Variants in CMYA5 observed in about 807,000 individuals in gnomAD.
CMYA5 encodes the protein cardiomyopathy-associated protein 5.
CMYA5 carries 246 observed loss-of-function variants against 318.9 expected under a neutral mutation model. The ratio of observed to expected loss-of-function variants is 0.77; its 90% CI spans 0.70 to 0.86. CMYA5 has a LOEUF of 0.86. Ranked by LOEUF, CMYA5 falls within the 40% of genes least tolerant of loss-of-function variation. The pLI is 0.00. For synonymous variants in CMYA5, 1,641 were observed against 1,729.5 expected (o/e 0.95, Z 1.27); for missense variants, 4,589 against 4,678.2 (o/e 0.98, Z 0.56).
intron 11 of CMYA5, among the ~76,000 whole-genome samples, chr5:79,792,058 C>A (rs984075474): frequency 1.3e-5 from 2 of 152,232 alleles, no homozygotes; most frequent in African/African-American, 4.8e-5. Context: ...GTGACTTTCA[C>A]TATTTCCCTG....
chr5:79,760,507 T>G lies in CMYA5; in HGVS notation c.11261-1304T>G, dbSNP rs4703788. Among the ~76,000 whole-genome samples the G allele has an allele frequency of 2.0e-5, 3 of 152,118 alleles. No homozygotes were observed. In the South Asian group the frequency reaches 6.2e-4, roughly 31 times the overall value. On this transcript the variant is annotated intron_variant, in intron 7 of 12. Coordinates refer to ENST00000446378, the MANE Select transcript of CMYA5 (RefSeq NM_153610.5). ...ACAGGAAGCATGGCAGAGGAGGCCT[T>G]AGGAGACAGAATCATGGCAGAAGGT...
chr5:79,786,842 A>G (rs776027090), intron 9 of CMYA5, among the ~76,000 whole-genome samples: 1 of 152,180 alleles, frequency 6.6e-6, no homozygotes, highest in African/African-American at 2.4e-5. Flanking sequence ...GTATACAATA[A>G]AACACCACCA....
intron 12 of CMYA5, among the ~76,000 whole-genome samples, chr5:79,797,736 C>T (rs569480502): frequency 1.8e-4 from 28 of 152,292 alleles, no homozygotes; most frequent in African/African-American, 6.5e-4. Flanking sequence ...GAGCCTGGCC[C>T]CTGACTTACT....
Position 79,761,830 on chromosome 5 carries a change from A to G in CMYA5, c.11280A>G (p.Arg3760=). The G allele has an allele frequency of 6.2e-7, 1 of 1,613,618 alleles. No individual in the cohort carries two copies. Among genetic ancestry groups the G allele is most frequent in the East Asian group, 2.2e-5 (1 of 44,872 alleles). The stretch of plus-strand genomic sequence containing the variant: ...TGCTAGAGTTGGTAGAAGAATACAG[A>G]CTGACAGTGAAAGAAAGCTACTGCA... ...QEVNELVEEY[R]LTVKESYCIF... Residue 3760 remains arginine (R), a synonymous_variant, in exon 8 of 13, where the codon AGA becomes AGG. Coordinates refer to ENST00000446378, the MANE Select transcript of CMYA5 (RefSeq NM_153610.5).
Position 79,730,709 on chromosome 5 carries a change from A to G in CMYA5, c.1944A>G (p.Thr648=). Residue 648 remains threonine (T), a synonymous_variant, in exon 2 of 13, where the codon ACA becomes ACG. Coordinates refer to ENST00000446378, the MANE Select transcript of CMYA5 (RefSeq NM_153610.5). The part of the protein sequence containing the change: ...FEAYSPAAAP[T]SESSLSPSTT... ...CTTATTCCCCAGCTGCAGCCCCTAC[A>G]TCTGAGAGCTCTCTCTCACCATCCA... 4 of 1,613,920 alleles carry G rather than the reference A, an allele frequency of 2.5e-6. No individual in the cohort carries two copies. Among genetic ancestry groups the G allele is most frequent in the Non-Finnish European group, 1.7e-6 (2 of 1,179,854 alleles).
intron 1 of CMYA5, among the ~76,000 whole-genome samples, chr5:79,710,310 A>G (rs1246859106): frequency 6.6e-6 from 1 of 152,198 alleles, no homozygotes; most frequent in Admixed American, 6.5e-5. Context: ...GAATTAATAA[A>G]AATTTTAAAA....
chr5:79,700,496 A>G (rs1827153751), intron 1 of CMYA5, among the ~76,000 whole-genome samples: 1 of 152,248 alleles, frequency 6.6e-6, no homozygotes, highest in African/African-American at 2.4e-5. Flanking sequence ...CTGATGAATT[A>G]TTTCAACTCA....
chr5:79,699,062 G>T (rs539626159), intron 1 of CMYA5, among the ~76,000 whole-genome samples: 24 of 152,182 alleles, frequency 1.6e-4, no homozygotes, highest in Non-Finnish European at 3.2e-4. Context: ...GGAGGCTGGG[G>T]CAGGAGAATC....
intron 6 of CMYA5, among the ~76,000 whole-genome samples, chr5:79,756,170 C>T (rs938960866): frequency 9.6e-5 from 13 of 135,204 alleles, no homozygotes; most frequent in African/African-American, 3.4e-4. Flanking sequence ...CCATTTCCTG[C>T]TGGGAAGACA....
At chr5:79,740,155 A>G (rs1828183234) in intron 2 of CMYA5, among the ~76,000 whole-genome samples, 2 of 152,142 alleles carry the variant, frequency 1.3e-5, no homozygotes, top group Admixed American at 1.3e-4. Context: ...TGAAAATACT[A>G]TGCCATTTTA....
intron 9 of CMYA5, among the ~76,000 whole-genome samples, chr5:79,788,452 C>G (rs1462990139): frequency 6.9e-6 from 1 of 145,486 alleles, no homozygotes; most frequent in African/African-American, 2.6e-5. Context: ...AATTTAGGAA[C>G]AGCAACTTTG....
intron 9 of CMYA5, among the ~76,000 whole-genome samples, chr5:79,766,905 G>C (rs911524426): frequency 6.6e-6 from 1 of 152,120 alleles, no homozygotes; most frequent in Non-Finnish European, 1.5e-5. Flanking sequence ...TGTACCTCTG[G>C]TAGAATTCGG....
Position 79,737,241 on chromosome 5 carries a change from C to A in CMYA5, c.8476C>A (p.Pro2826Thr). ...KPQTLASGAS[P>T]EINAVKKKEM... ...ACAAACTCTTGCTTCAGGAGCTTCT[C>A]CAGAAATTAACGCAGTGAAGAAAAA... The change falls in exon 2 of 13, where the codon CCA becomes ACA. Residue 2826 changes from proline to threonine, a missense_variant. Pro to Thr is a conservative substitution (Grantham distance 38). Coordinates refer to ENST00000446378, the MANE Select transcript of CMYA5 (RefSeq NM_153610.5). 1 of 1,613,670 alleles carries A rather than the reference C, an allele frequency of 6.2e-7. No individual in the cohort carries two copies.
At chr5:79,722,913 AAG>A (rs1361491567) in intron 1 of CMYA5, among the ~76,000 whole-genome samples, 1 of 152,098 alleles carries the variant, frequency 6.6e-6, no homozygotes, top group African/African-American at 2.4e-5. Flanking sequence ...TAAAAACAAA[AAG>A]AAATTCTGAA....
chr5:79,726,572 C>T (rs571522008), intron 1 of CMYA5, among the ~76,000 whole-genome samples: 8 of 152,316 alleles, frequency 5.3e-5, no homozygotes, highest in Middle Eastern at 6.8e-3. Flanking sequence ...CCCGACCCTT[C>T]ACTCATGGCA....
rs758073496 is a variant in CMYA5 at position 79,733,556 on chromosome 5, G to T, written c.4791G>T (p.Glu1597Asp). 3 of 1,613,874 alleles carry T rather than the reference G, an allele frequency of 1.9e-6. No homozygotes were observed. The highest frequency in any genetic ancestry group is 2.2e-5 in the South Asian group (2 of 91,072). ...ATGATAAGAACAAACCGGCAGTGGA[G>T]GTATCTTCTACAGCTCAGGGAGACT... The part of the protein sequence containing the change: ...LSDDKNKPAV[E>D]VSSTAQGDFP... Residue 1597 changes from glutamate (E) to aspartate (D), a missense_variant, in exon 2 of 13, where the codon GAG (glutamate) becomes GAT (aspartate). By Grantham distance (45) the Glu-to-Asp change is conservative. Transcript: ENST00000446378.
chr5:79,784,872 C>G (rs1285194527), intron 9 of CMYA5, among the ~76,000 whole-genome samples: 1 of 151,768 alleles, frequency 6.6e-6, no homozygotes. Flanking sequence ...AGAAATCACC[C>G]GTCTTCTGCG....
In CMYA5 at chr5:79,736,434, C is replaced by T. The variant is rs767668206; in HGVS notation, c.7669C>T (p.His2557Tyr). The T allele has an allele frequency of 1.9e-6, 3 of 1,608,972 alleles. No homozygotes were observed. In the East Asian group the frequency reaches 6.7e-5, roughly 36 times the overall value. Residue 2557 changes from histidine to tyrosine, a missense_variant, in exon 2 of 13, where the codon CAT becomes TAT. By Grantham distance (83) the His-to-Tyr change is moderately conservative. Transcript: ENST00000446378. ...VLSEGKKQQE[H>Y]QPYSVNVAES... is the part of the protein sequence containing the mutation. ...TTCAGAAGGAAAGAAGCAGCAGGAACATCAGCCTTATTCTGTGAATGTAGC... is the reference window on the plus strand; with the variant it reads ...TTCAGAAGGAAAGAAGCAGCAGGAATATCAGCCTTATTCTGTGAATGTAGC...
chr5:79,701,090 C>CAAAAAAAAAAAA (rs1554097982), intron 1 of CMYA5, among the ~76,000 whole-genome samples: 2 of 114,924 alleles, frequency 1.7e-5, no homozygotes, highest in African/African-American at 6.2e-5. Flanking sequence ...ACTAAAAATA[C>CAAAAAAAAAAAA]AAAAAAAAAA....
Sources: allele counts gnomAD v4.1 joint callset (sites outside exome capture counted in the v4.1 genomes callset), GRCh38; gene constraint gnomAD v4.1.1; transcripts MANE v1.5; gene names NCBI Gene and HGNC (gene_info 2026-07-23, HGNC 2026-07-21).